The following UBXN7 variants were observed in gnomAD, a reference collection of about 807,000 sequenced individuals.
UBXN7 encodes UBX domain-containing protein 7.
Under a neutral mutation model 58.0 loss-of-function variants are expected in UBXN7, and 9 were observed. That is an observed-to-expected ratio of 0.16 (90% confidence interval 0.09 to 0.27). The LOEUF (loss-of-function observed/expected upper bound fraction) is 0.27, where lower values mean the gene tolerates loss of function less well. Ranked by LOEUF, UBXN7 falls within the 10% of genes least tolerant of loss-of-function variation. The pLI is 1.00. For missense variants in UBXN7, 328 were observed against 599.6 expected (o/e 0.55, Z 4.73); for synonymous variants, 208 against 205.0 (o/e 1.01, Z -0.12).
At chr3:196,425,443 C>T (rs893407946) in intron 1 of UBXN7, among the ~76,000 whole-genome samples, 5 of 151,122 alleles carry the variant, frequency 3.3e-5, no homozygotes. Context: ...AATTTTAATA[C>T]ATTTTGTAGA....
chr3:196,372,092 C>T (rs1297129533), intron 5 of UBXN7, 50 bp from the exon 6 acceptor site: 9 of 1,538,338 alleles, frequency 5.9e-6, no homozygotes, highest in South Asian at 1.3e-5. Context: ...TACTTAGTGA[C>T]AGATGTTTCC....
intron 1 of UBXN7, among the ~76,000 whole-genome samples, chr3:196,412,279 G>T (rs111986053): frequency 1.4e-5 from 2 of 148,006 alleles, no homozygotes; most frequent in Admixed American, 6.8e-5. Flanking sequence ...AATATACAAC[G>T]TGTGTAATAA....
At chr3:196,384,325 A>G (rs1729307645) in intron 5 of UBXN7, among the ~76,000 whole-genome samples, 1 of 152,228 alleles carries the variant, frequency 6.6e-6, no homozygotes, top group Non-Finnish European at 1.5e-5. Context: ...AACAACCAAA[A>G]AAAGTCCAGG....
intron 1 of UBXN7, among the ~76,000 whole-genome samples, chr3:196,426,380 C>T (rs370462489): frequency 3.6e-5 from 4 of 109,840 alleles, no homozygotes; most frequent in African/African-American, 7.6e-5. Context: ...GATAAGACTT[C>T]GTCTCAAAAA....
intron 2 of UBXN7, among the ~76,000 whole-genome samples, chr3:196,406,889 A>C (rs959578194): frequency 2.0e-5 from 3 of 152,114 alleles, no homozygotes; most frequent in African/African-American, 7.2e-5. Context: ...CTGCTTCCTT[A>C]TTGGTAAAAT....
In UBXN7 at chr3:196,362,408, T is replaced by C. The variant is rs749269340; in HGVS notation, c.1114A>G (p.Arg372Gly). The change falls in exon 9 of 11, where the codon AGA (arginine) becomes GGA (glycine). Residue 372 changes from arginine to glycine, a missense_variant. Physicochemically the swap from Arg to Gly is moderately radical, Grantham distance 125 (BLOSUM62 -2). Transcript: ENST00000296328. ...NRRPLTEPPVRTDPGTATNHQ... is the reference protein window; with the variant it reads ...NRRPLTEPPVGTDPGTATNHQ... ...TTTGTGGCTGTTCCAGGATCAGTTC[T>C]GACTGGTGGCTCAGTCAGCGGCCTT... 2 of 1,614,258 alleles carry C rather than the reference T, an allele frequency of 1.2e-6. No homozygotes were observed. Among genetic ancestry groups the C allele is most frequent in the Admixed American group, 3.3e-5 (2 of 60,032 alleles).
chr3:196,408,639 C>T (rs1730235152), intron 1 of UBXN7, among the ~76,000 whole-genome samples: 1 of 152,048 alleles, frequency 6.6e-6, no homozygotes, highest in African/African-American at 2.4e-5. Context: ...TTTTTGTCTG[C>T]AAATGTCTTT....
chr3:196,391,450 G>A (rs1729579951), intron 5 of UBXN7, among the ~76,000 whole-genome samples: 1 of 151,978 alleles, frequency 6.6e-6, no homozygotes, highest in South Asian at 2.1e-4. Flanking sequence ...GCCACTGAAG[G>A]CCAGGTGCAG....
At chr3:196,371,604 C>T (rs1312450241) in intron 6 of UBXN7, among the ~76,000 whole-genome samples, 1 of 152,076 alleles carries the variant, frequency 6.6e-6, no homozygotes, top group Non-Finnish European at 1.5e-5. Flanking sequence ...GCCTCAGCCT[C>T]CCGAGTAGCT....
In UBXN7 at chr3:196,391,997, A is replaced by ACC. The variant is rs369496809; in HGVS notation, c.356-73_356-72insGG. On this transcript the variant is annotated intron_variant, in intron 4 of 10. Transcript: ENST00000296328. ...CACACTGAAAAAAAAAAAAAAAAAA[A>ACC]CACAAACTTCTGTCAATTGAAGGAA... 1.2e-5 allele frequency: 7 copies of ACC among 580,776 alleles called. 1 individual carries two copies. Among genetic ancestry groups the ACC allele is most frequent in the Admixed American group, 7.4e-5 (2 of 26,948 alleles). The allele number at this position is 580,776 out of a possible 1,614,324, so 36.0% of individuals were successfully genotyped here.
Position 196,349,826 on chromosome 3 carries a change from C to G in UBXN7, c.*6859G>C, listed in dbSNP as rs951651558. ...TTTATCATGTCTAAAAAATGAATGA[C>G]TCATGCTAACCCAGTTAGATTAATA... On this transcript the variant is annotated 3_prime_UTR_variant, in exon 11 of 11. Transcript: ENST00000296328. The G allele has an allele frequency of 9.2e-5, 14 of 152,190 alleles. No individual in the cohort carries two copies. The highest frequency in any genetic ancestry group is 1.5e-4 in the Non-Finnish European group (10 of 68,032). 9.4% of individuals were successfully genotyped at this position (152,190 alleles called of 1,614,324 possible).
rs1413806455 is a variant in UBXN7, at chr3:196,356,005, G to A, written c.*680C>T. 1.3e-5 allele frequency: 2 copies of A among 151,072 alleles called. No individual in the cohort carries two copies. The highest frequency in any genetic ancestry group is 3.0e-5 in the Non-Finnish European group (2 of 67,728). The allele number at this position is 151,072 out of a possible 1,614,324, so 9.4% of individuals were successfully genotyped here. On this transcript the variant is annotated 3_prime_UTR_variant, in exon 11 of 11. Coordinates refer to ENST00000296328, the MANE Select transcript of UBXN7 (RefSeq NM_015562.2). ...CAATGAAAGTCACCCCATGCTATAT[G>A]CTCCATATTTAACACTCATTCTGCC...
rs1320614539 is a variant in UBXN7 at position 196,352,907 on chromosome 3, A to T, written c.*3778T>A. 6.6e-6 allele frequency: 1 copy of T among 152,126 alleles called. No homozygotes were observed. Among genetic ancestry groups the T allele is most frequent in the African/African-American group, 2.4e-5 (1 of 41,414 alleles). 9.4% of individuals were successfully genotyped at this position (152,126 alleles called of 1,614,324 possible). On this transcript the variant is annotated 3_prime_UTR_variant, in exon 11 of 11. Transcript: ENST00000296328. This position sits in a 1 kb window ranked among gnomAD's most constrained non-coding sequence, Gnocchi z 4.1. ...ATTGTATCTTTTCTGAAAAATGTTT[A>T]AAAAAAGAAAAAATTGTTTTTTTAC... is the stretch of plus-strand genomic sequence containing the variant.
At chr3:196,368,566 C>T (rs906147644) in intron 7 of UBXN7, among the ~76,000 whole-genome samples, 5 of 152,162 alleles carry the variant, frequency 3.3e-5, no homozygotes, top group Admixed American at 3.3e-4. Context: ...TCTCCACCAG[C>T]TTATGCTACA....
intron 10 of UBXN7, among the ~76,000 whole-genome samples, chr3:196,360,152 T>C (rs1728467356): frequency 6.6e-6 from 1 of 152,208 alleles, no homozygotes; most frequent in African/African-American, 2.4e-5. Flanking sequence ...GCCATCTCCA[T>C]AACATCAAAG....
intron 3 of UBXN7, among the ~76,000 whole-genome samples, chr3:196,401,354 A>C (rs1458499542): frequency 6.9e-6 from 1 of 145,650 alleles, no homozygotes; most frequent in Non-Finnish European, 1.5e-5. Flanking sequence ...CAAAAAATAA[A>C]AATTAAAAAA....
At chr3:196,424,798 GTTCA>G (rs1730797248) in intron 1 of UBXN7, among the ~76,000 whole-genome samples, 2 of 150,180 alleles carry the variant, frequency 1.3e-5, no homozygotes, top group African/African-American at 4.9e-5. Context: ...CGCCTTCCAG[GTTCA>G]AGCAATTCTC....
At chr3:196,415,640 G>T (rs1368389530) in intron 1 of UBXN7, among the ~76,000 whole-genome samples, 1 of 151,652 alleles carries the variant, frequency 6.6e-6, no homozygotes, top group African/African-American at 2.4e-5. Context: ...AAATTAGCTG[G>T]GCATGGTGGC....
At chr3:196,408,577 T>C (rs1730233065) in intron 1 of UBXN7, among the ~76,000 whole-genome samples, 2 of 152,184 alleles carry the variant, frequency 1.3e-5, no homozygotes, top group South Asian at 4.1e-4. Context: ...TTTTCTTCTA[T>C]CTGAATTATG....
Sources: allele counts gnomAD v4.1 joint callset (sites outside exome capture counted in the v4.1 genomes callset), GRCh38; gene constraint gnomAD v4.1.1; non-coding constraint Gnocchi (gnomAD v3.1); transcripts MANE v1.5; gene names NCBI Gene and HGNC (gene_info 2026-07-23, HGNC 2026-07-21).